Variants in CCDC157 observed in about 807,000 individuals in gnomAD.
CCDC157 encodes coiled-coil domain containing 157, also known as coiled-coil domain-containing protein 157.
A neutral mutation model predicts 70.9 loss-of-function variants in CCDC157; 60 were observed. That is an observed-to-expected ratio of 0.85 (90% CI 0.69 to 1.05). CCDC157 has a LOEUF of 1.05. CCDC157 is among the 50% of genes least tolerant of loss of function. The pLI is 0.00. For missense variants in CCDC157, 943 were observed against 984.2 expected (o/e 0.96, Z 0.56); for synonymous variants, 373 against 422.4 (o/e 0.88, Z 1.43).
At chr22:30,374,331 A>G (rs1442419641) in intron 9 of CCDC157, 3 of 635,396 alleles carry the variant, frequency 4.7e-6, no homozygotes, top group East Asian at 5.8e-5. Context: ...TCTAGTCACA[A>G]CAGCCAAACG....
intron 7 of CCDC157, 22 bp from the exon 8 acceptor site, chr22:30,373,575 C>T (rs750314308): frequency 1.3e-6 from 2 of 1,551,626 alleles, no homozygotes. Flanking sequence ...CACAGCCTCC[C>T]TGCTTGTCCG....
Position 30,366,326 on chromosome 22 carries a change from C to A in CCDC157, c.248+78C>A. 3.8e-6 allele frequency: 6 copies of A among 1,575,036 alleles called. No homozygotes were observed. In the South Asian group the frequency reaches 4.5e-5, roughly 12 times the overall value. On this transcript the variant is annotated intron_variant, in intron 3 of 11. Coordinates refer to ENST00000338306, the MANE Select transcript of CCDC157 (RefSeq NM_001017437.5). ...AAACCAGTGGCAGCTACGGAAGCCC[C>A]TCCAGAGGCAGGGGTGATGTTGGAA...
At position 30,370,391 on chromosome 22, in the gene CCDC157, C is replaced by G; in HGVS notation, c.486C>G (p.Ser162Arg). ...CCACCAAGGGCGAGCCAGCCAGGAG[C>G]CCTGAATATCTGACTACCAAGTTAA... ...KPTTKGEPARSPEYLTTKLIK... is the reference protein window; with the variant it reads ...KPTTKGEPARRPEYLTTKLIK... The change falls in exon 5 of 12, where the codon AGC (serine) becomes AGG (arginine). Residue 162 changes from serine (S) to arginine (R), a missense_variant. Coordinates refer to ENST00000338306, the MANE Select transcript of CCDC157 (RefSeq NM_001017437.5). 6.2e-7 allele frequency: 1 copy of G among 1,614,118 alleles called. No homozygotes were observed. The highest frequency in any genetic ancestry group is 8.5e-7 in the Non-Finnish European group (1 of 1,180,018).
intron 3 of CCDC157, among the ~76,000 whole-genome samples, chr22:30,367,822 G>A (rs901190146): frequency 3.3e-5 from 5 of 152,120 alleles, no homozygotes; most frequent in East Asian, 1.9e-4. Flanking sequence ...CGAGGTGGGC[G>A]GATCACCTGA....
rs187137946 is a variant in CCDC157 at position 30,374,992 on chromosome 22, C to T, written c.1673-487C>T. On this transcript the variant is annotated intron_variant, in intron 9 of 11. Coordinates refer to ENST00000338306, the MANE Select transcript of CCDC157 (RefSeq NM_001017437.5). ...TTTTTTTTTTTGAGACAGAGTCTCA[C>T]TCTGTTGCCAGGCTGGAGTGCAGTG... is the stretch of plus-strand genomic sequence containing the variant. The T allele has an allele frequency of 3.2e-3, 1,069 of 329,928 alleles. 5 individuals are homozygous for T. Among genetic ancestry groups the T allele is most frequent in the Non-Finnish European group, 3.8e-3 (656 of 172,168 alleles). The allele number at this position is 329,928 out of a possible 1,614,324, so 20.4% of individuals were successfully genotyped here.
Position 30,376,254 on chromosome 22 carries a change from T to C in CCDC157, c.1858-5T>C. 6.2e-7 allele frequency: 1 copy of C among 1,605,128 alleles called. No homozygotes were observed. Among genetic ancestry groups the C allele is most frequent in the Non-Finnish European group, 8.5e-7 (1 of 1,175,976 alleles). ...ATAAGACTGGCTTTTTTTTTTTTTT[T>C]GTAGCTGATCCCGCAGGACCGGCTC... On this transcript the variant is annotated splice_polypyrimidine_tract_variant and splice_region_variant and intron_variant, in intron 10 of 11. Coordinates refer to ENST00000338306, the MANE Select transcript of CCDC157 (RefSeq NM_001017437.5).
intron 7 of CCDC157, 100 bp downstream of exon 7, chr22:30,372,386 C>T (rs1414436031): frequency 7.1e-7 from 1 of 1,410,242 alleles, no homozygotes; most frequent in East Asian, 2.5e-5. Context: ...TATTGGGCAT[C>T]TGCTCCCTGA....
At chr22:30,358,344 T>C (rs1932086369) in intron 1 of CCDC157, among the ~76,000 whole-genome samples, 2 of 152,268 alleles carry the variant, frequency 1.3e-5, no homozygotes, top group Non-Finnish European at 2.9e-5. Context: ...TTATTCCTTA[T>C]AGCAACCTAT....
Position 30,373,593 on chromosome 22 carries a change from T to C in CCDC157, c.1336-4T>C, listed in dbSNP as rs1420154718. On this transcript the variant is annotated splice_region_variant and splice_polypyrimidine_tract_variant and intron_variant, in intron 7 of 11. Coordinates refer to ENST00000338306, the MANE Select transcript of CCDC157 (RefSeq NM_001017437.5). ...AGCCTCCCTGCTTGTCCGTTCCTGC[T>C]TAGTCTCTGCAGGCCAAGCAGCGAG... 7.1e-6 allele frequency: 11 copies of C among 1,553,338 alleles called. No individual in the cohort carries two copies. The highest frequency in any genetic ancestry group is 8.7e-6 in the Non-Finnish European group (10 of 1,148,036).
chr22:30,359,393 TG>T (rs1932171676), intron 1 of CCDC157, among the ~76,000 whole-genome samples: 1 of 152,164 alleles, frequency 6.6e-6, no homozygotes, highest in African/African-American at 2.4e-5. Flanking sequence ...ATCCCATGGG[TG>T]AAACTGGCAC....
At chr22:30,356,818 C>T (rs1488528739), upstream of CCDC157, 2 of 1,333,760 alleles carry the variant, frequency 1.5e-6, no homozygotes, top group Non-Finnish European at 1.9e-6. Flanking sequence ...GGCTGCCAGT[C>T]CGCCTCGGTG....
rs747484350 is a variant in CCDC157, at chr22:30,375,621, G to A, written c.1815G>A (p.Met605Ile). The change falls in exon 10 of 12, where the codon ATG (methionine) becomes ATA (isoleucine). Residue 605 changes from methionine (M) to isoleucine (I), a missense_variant. Transcript: ENST00000338306. ...LQEENGRLQS[M>I]LSKIREVAQQ... ...AGGAGAACGGGCGGCTCCAATCAATGCTGTCCAAAATCCGGGAAGTGGCCC... is the reference window on the plus strand; with the variant it reads ...AGGAGAACGGGCGGCTCCAATCAATACTGTCCAAAATCCGGGAAGTGGCCC... The A allele has an allele frequency of 1.9e-5, 30 of 1,614,080 alleles. No individual in the cohort carries two copies. The South Asian group carries it at 1.9e-4, about 10-fold the overall frequency.
intron 1 of CCDC157, among the ~76,000 whole-genome samples, chr22:30,361,490 G>C (rs916210803): frequency 1.3e-5 from 2 of 152,114 alleles, no homozygotes; most frequent in East Asian, 3.8e-4. Context: ...GATGAGGGTG[G>C]CCTTCCTGCT....
At position 30,366,241 on chromosome 22, in the gene CCDC157, A is replaced by G; in HGVS notation, c.241A>G (p.Ile81Val). The part of the protein sequence containing the change: ...LSHAVLLELV[I>V]DRLLLLLQSC... Reference sequence around the variant, plus strand: ...CCATGCCGTGCTGCTGGAGCTGGTCATCGACAGGTGAGGGCCTTGACCAAG... The same window carrying G: ...CCATGCCGTGCTGCTGGAGCTGGTCGTCGACAGGTGAGGGCCTTGACCAAG... The change falls in exon 3 of 12, where the codon ATC (isoleucine) becomes GTC (valine). Residue 81 changes from isoleucine (I) to valine (V), a missense_variant. Physicochemically the swap from Ile to Val is conservative, Grantham distance 29. Transcript: ENST00000338306. The G allele has an allele frequency of 1.2e-6, 2 of 1,613,758 alleles. No homozygotes were observed. Among genetic ancestry groups the G allele is most frequent in the South Asian group, 2.2e-5 (2 of 91,086 alleles).
intron 9 of CCDC157, 141 bp downstream of exon 9, chr22:30,374,232 C>G (rs1247465719): frequency 1.0e-6 from 1 of 986,374 alleles, no homozygotes; most frequent in African/African-American, 1.6e-5. Context: ...AGCGCAGCCC[C>G]TGTGGACCCA....
chr22:30,375,751 A>G (rs1933308063), intron 10 of CCDC157, 88 bp downstream of exon 10: 1 of 1,168,062 alleles, frequency 8.6e-7, no homozygotes, highest in African/African-American at 1.6e-5. Context: ...GAACTTGTGG[A>G]GAGCCCACCT....
intron 2 of CCDC157, 28 bp from the exon 3 acceptor site, chr22:30,365,962 T>A: frequency 6.5e-7 from 1 of 1,540,974 alleles, no homozygotes; most frequent in Non-Finnish European, 8.7e-7. Flanking sequence ...TGGCTCTGGC[T>A]GGCAGGGCTC....
chr22:30,373,624 C>T lies in CCDC157; in HGVS notation c.1363C>T (p.Leu455=), dbSNP rs1309122234. 1 of 1,556,400 alleles carries T rather than the reference C, an allele frequency of 6.4e-7. No homozygotes were observed. The highest frequency in any genetic ancestry group is 8.7e-7 in the Non-Finnish European group (1 of 1,149,790). The change falls in exon 8 of 12, where the codon CTA becomes TTA. Residue 455 remains leucine (L), a synonymous_variant. Coordinates refer to ENST00000338306, the MANE Select transcript of CCDC157 (RefSeq NM_001017437.5). ...TCTGCAGGCCAAGCAGCGAGCCCTG[C>T]TAAAGCAGCTGGACAGCCTGGACCA... ...ESLQAKQRAL[L]KQLDSLDQER...
chr22:30,374,839 G>A (rs563739895), intron 9 of CCDC157: 13 of 433,374 alleles, frequency 3.0e-5, no homozygotes, highest in East Asian at 7.0e-5. Flanking sequence ...AATTCCTGCC[G>A]TTCCCAAGCT....
Sources: gnomAD v4.1 joint callset for allele counts (sites outside exome capture counted in the v4.1 genomes callset) on GRCh38, gnomAD v4.1.1 for gene constraint, MANE v1.5 for transcripts, NCBI Gene and HGNC (gene_info 2026-07-23, HGNC 2026-07-21) for gene names.